The following GABRB2 variants were observed in gnomAD, a reference collection of about 807,000 sequenced individuals.
GABRB2 encodes the protein gamma-aminobutyric acid receptor subunit beta-2.
Under a neutral mutation model 54.7 loss-of-function variants are expected in GABRB2, and 16 were observed. The ratio of observed to expected loss-of-function variants is 0.29; its 90% confidence interval spans 0.20 to 0.44. The LOEUF (loss-of-function observed/expected upper bound fraction) is 0.44. GABRB2 is among the 20% of genes least tolerant of loss of function. The pLI is 1.00. For synonymous variants in GABRB2, 244 were observed against 233.8 expected (o/e 1.04, Z -0.40); for missense variants, 355 against 644.0 (o/e 0.55, Z 4.86).
intron 3 of GABRB2, among the ~76,000 whole-genome samples, chr5:161,543,208 A>G (rs1464808759): frequency 6.6e-6 from 1 of 152,202 alleles, no homozygotes; most frequent in African/African-American, 2.4e-5. Context: ...GCAACAGTAA[A>G]TAGCTTTAAG....
At position 161,326,516 on chromosome 5, in the gene GABRB2, C is replaced by T. The variant is rs374012915; in HGVS notation, c.1078-35G>A. ...AAAGTAGAGAATGTGCTAATTAAGT[C>T]GATTGATGCTACTAGATTAGGCCTG... On this transcript the variant is annotated intron_variant, in intron 8 of 9. Transcript: ENST00000393959. 39 of 1,602,310 alleles carry T rather than the reference C, an allele frequency of 2.4e-5. No homozygotes were observed. The African/African-American group carries it at 4.6e-4, about 19-fold the overall frequency.
At chr5:161,430,779 A>G (rs1278751185) in intron 4 of GABRB2, among the ~76,000 whole-genome samples, 1 of 152,198 alleles carries the variant, frequency 6.6e-6, no homozygotes, top group African/African-American at 2.4e-5. Context: ...AAGCTCAAAC[A>G]TGATAAAAGC....
At chr5:161,463,375 A>G (rs1758172790) in intron 3 of GABRB2, among the ~76,000 whole-genome samples, 1 of 150,428 alleles carries the variant, frequency 6.6e-6, no homozygotes, top group African/African-American at 2.4e-5. Flanking sequence ...AAAGACCTCA[A>G]TAAACAGAGA....
chr5:161,454,032 CAAA>C (rs202218457), intron 4 of GABRB2, among the ~76,000 whole-genome samples: 6 of 96,692 alleles, frequency 6.2e-5, no homozygotes, highest in Non-Finnish European at 6.8e-5. Flanking sequence ...AGTGAGATTC[CAAA>C]AAAAAAAAAA....
intron 3 of GABRB2, among the ~76,000 whole-genome samples, chr5:161,525,995 C>G (rs1446151733): frequency 1.3e-5 from 2 of 151,288 alleles, no homozygotes; most frequent in Admixed American, 1.3e-4. Flanking sequence ...AAATTCTTTT[C>G]TCCTACAATT....
At chr5:161,359,926 C>T (rs1462306705) in intron 5 of GABRB2, among the ~76,000 whole-genome samples, 1 of 151,982 alleles carries the variant, frequency 6.6e-6, no homozygotes, top group Non-Finnish European at 1.5e-5. Context: ...ACTAAAAATA[C>T]AGAAATTAGC....
chr5:161,335,411 C>T (rs913343548), intron 6 of GABRB2, among the ~76,000 whole-genome samples: 4 of 152,106 alleles, frequency 2.6e-5, no homozygotes, highest in African/African-American at 9.6e-5. Context: ...TTAATAGTTT[C>T]ATTGCTTCCA....
chr5:161,502,285 TA>T, intron 3 of GABRB2, among the ~76,000 whole-genome samples: 1 of 151,976 alleles, frequency 6.6e-6, no homozygotes, highest in East Asian at 1.9e-4. Context: ...TAAATTATGA[TA>T]AAAATAGATT....
At chr5:161,477,892 C>CT (rs1758644130) in intron 3 of GABRB2, among the ~76,000 whole-genome samples, 1 of 151,916 alleles carries the variant, frequency 6.6e-6, no homozygotes, top group Non-Finnish European at 1.5e-5. Flanking sequence ...GATGGCACAA[C>CT]TATGTGTATG....
chr5:161,364,667 CT>C (rs1754923112), intron 5 of GABRB2, among the ~76,000 whole-genome samples: 1 of 152,218 alleles, frequency 6.6e-6, no homozygotes, highest in Non-Finnish European at 1.5e-5. Flanking sequence ...TAAAAAATAA[CT>C]TTTGATACTT....
At chr5:161,508,419 C>G (rs1218445289) in intron 3 of GABRB2, among the ~76,000 whole-genome samples, 1 of 150,612 alleles carries the variant, frequency 6.6e-6, no homozygotes. Context: ...AGAGATGAGG[C>G]TTGAGAGGTG....
intron 3 of GABRB2, among the ~76,000 whole-genome samples, chr5:161,535,861 C>T (rs1266543308): frequency 6.6e-6 from 1 of 152,066 alleles, no homozygotes; most frequent in Non-Finnish European, 1.5e-5. Context: ...GGGCAGAGCT[C>T]TTATGGGTAG....
Position 161,463,566 on chromosome 5 carries a change from T to G in GABRB2, c.238-3722A>C, listed in dbSNP as rs1314129450. 8.5e-5 allele frequency among the ~76,000 whole-genome samples: 9 copies of G among 105,476 alleles called. 1 individual carries two copies. The highest frequency in any genetic ancestry group is 2.4e-4 in the African/African-American group (7 of 29,680). The allele number at this position is 105,476 out of a possible 152,430, so 69.2% of individuals were successfully genotyped here. On this transcript the variant is annotated intron_variant, in intron 3 of 9. Coordinates refer to ENST00000393959, the MANE Select transcript of GABRB2 (RefSeq NM_001371727.1). ...CCAAATATTTTTATTTATATATATA[T>G]ATATATATATATATATATATATATA...
At chr5:161,331,833 A>G (rs1272746950) in intron 7 of GABRB2, among the ~76,000 whole-genome samples, 2 of 152,082 alleles carry the variant, frequency 1.3e-5, no homozygotes, top group Non-Finnish European at 2.9e-5. Context: ...CTGTGGTGAC[A>G]GTGTGGATGA....
At chr5:161,329,111 T>C (rs1306618353) in intron 8 of GABRB2, among the ~76,000 whole-genome samples, 2 of 152,174 alleles carry the variant, frequency 1.3e-5, no homozygotes, top group Admixed American at 6.5e-5. Context: ...AACTTTATCA[T>C]TTAAATGCAA....
chr5:161,385,616 A>G (rs987968610), intron 5 of GABRB2, among the ~76,000 whole-genome samples: 49 of 152,300 alleles, frequency 3.2e-4, no homozygotes, highest in South Asian at 1.5e-3. Flanking sequence ...AAATTATTTT[A>G]TGAAGTCAAC....
chr5:161,354,791 T>A (rs1754567615), intron 5 of GABRB2, among the ~76,000 whole-genome samples: 2 of 152,076 alleles, frequency 1.3e-5, no homozygotes, highest in Non-Finnish European at 1.5e-5. Context: ...TTTGAAGTCA[T>A]CTATTAAGAC....
chr5:161,332,949 T>C (rs1816071), intron 7 of GABRB2, among the ~76,000 whole-genome samples: 55,492 of 151,930 alleles, frequency 0.37, 10,237 homozygotes, highest in African/African-American at 0.39. Context: ...TCTTTATAGC[T>C]GTCATTTTGA....
chr5:161,311,002 T>C (rs1757851146), intron 9 of GABRB2, among the ~76,000 whole-genome samples: 2 of 152,124 alleles, frequency 1.3e-5, no homozygotes, highest in African/African-American at 4.8e-5. Flanking sequence ...CCTCGTGATC[T>C]GCCCGCCTCG....
Sources: gnomAD v4.1 joint callset for allele counts (sites outside exome capture counted in the v4.1 genomes callset) on GRCh38, gnomAD v4.1.1 for gene constraint, MANE v1.5 for transcripts, NCBI Gene and HGNC (gene_info 2026-07-23, HGNC 2026-07-21) for gene names.